Variants in MET observed in about 807,000 individuals in gnomAD.
MET encodes hepatocyte growth factor receptor.
A neutral mutation model predicts 133.1 loss-of-function variants in MET; 48 were observed. The observed-to-expected ratio is 0.36, with a 90% CI of 0.29 to 0.46. The LOEUF (loss-of-function observed/expected upper bound fraction) is 0.46, where lower values mean the gene tolerates loss of function less well. MET is among the 20% of genes least tolerant of loss of function. The pLI is 1.00. For missense variants in MET, 1,442 were observed against 1,695.9 expected (o/e 0.85, Z 2.63); for synonymous variants, 628 against 616.5 (o/e 1.02, Z -0.28).
chr7:116,675,459 T>G (rs1245142390), intron 1 of MET, among the ~76,000 whole-genome samples: 1 of 152,182 alleles, frequency 6.6e-6, no homozygotes, highest in Non-Finnish European at 1.5e-5. Flanking sequence ...CTTAAAAACC[T>G]TAACATTTTC....
intron 19 of MET, among the ~76,000 whole-genome samples, chr7:116,789,616 T>G (rs1260659719): frequency 1.3e-5 from 2 of 152,182 alleles, no homozygotes; most frequent in African/African-American, 4.8e-5. Context: ...TTTCTGTCTC[T>G]AGAGTTTTAC....
chr7:116,722,372 T>C (rs1792528651), intron 2 of MET, among the ~76,000 whole-genome samples: 1 of 150,668 alleles, frequency 6.6e-6, no homozygotes, highest in Admixed American at 6.6e-5. Flanking sequence ...AGCCTATGTG[T>C]GTCTCTGCAC....
At chr7:116,704,659 G>C (rs1268823581) in intron 2 of MET, among the ~76,000 whole-genome samples, 1 of 152,030 alleles carries the variant, frequency 6.6e-6, no homozygotes, top group African/African-American at 2.4e-5. Context: ...CCAAAAAAGA[G>C]ATGGGGTGAG....
At chr7:116,695,754 G>A (rs1265810319) in intron 1 of MET, 2 of 489,994 alleles carry the variant, frequency 4.1e-6, no homozygotes, top group East Asian at 5.2e-5. Context: ...TCACAGGGTG[G>A]TGATGAAGAG....
At chr7:116,732,689 T>C (rs1449637503) in intron 3 of MET, among the ~76,000 whole-genome samples, 1 of 152,190 alleles carries the variant, frequency 6.6e-6, no homozygotes, top group Non-Finnish European at 1.5e-5. Flanking sequence ...ATGTAGTTAG[T>C]ACCCTCATCA....
At chr7:116,714,095 A>C (rs1182167119) in intron 2 of MET, among the ~76,000 whole-genome samples, 1 of 152,084 alleles carries the variant, frequency 6.6e-6, no homozygotes, top group Non-Finnish European at 1.5e-5. Flanking sequence ...TTTATGAATC[A>C]CTCTGTCACT....
rs1795171767 is a variant in MET, at chr7:116,782,009, A to G, written c.3544A>G (p.Ile1182Val). The G allele has an allele frequency of 1.2e-6, 2 of 1,613,454 alleles. No individual in the cohort carries two copies. Among genetic ancestry groups the G allele is most frequent in the Non-Finnish European group, 1.7e-6 (2 of 1,179,494 alleles). ...GCAGAATCCAACTGTAAAAGATCTT[A>G]TTGGCTTTGGTCTTCAAGTAGCCAA... ...ETHNPTVKDL[I>V]GFGLQVAKGM... Residue 1182 changes from isoleucine (I) to valine (V), a missense_variant, in exon 18 of 21, where the codon ATT becomes GTT. Physicochemically the swap from Ile to Val is conservative, Grantham distance 29 (BLOSUM62 3). Coordinates refer to ENST00000397752, the MANE Select transcript of MET (RefSeq NM_000245.4).
At chr7:116,743,231 G>A (rs560496764) in intron 5 of MET, among the ~76,000 whole-genome samples, 2 of 152,330 alleles carry the variant, frequency 1.3e-5, no homozygotes, top group South Asian at 4.2e-4. Flanking sequence ...TATGGTTTTG[G>A]CAACTAACAG....
rs144156652 is a variant in MET at position 116,798,258 on chromosome 7, T to A, written c.*2134T>A. ...AATGTGTCTGGACAGATTGTGGGAG[T>A]AAGTGATTCTTCTAAGAATTAGATA... is the stretch of plus-strand genomic sequence containing the variant. On this transcript the variant is annotated 3_prime_UTR_variant, in exon 21 of 21. Coordinates refer to ENST00000397752, the MANE Select transcript of MET (RefSeq NM_000245.4). 21 of 207,312 alleles carry A rather than the reference T, an allele frequency of 1.0e-4. No individual in the cohort carries two copies. The East Asian group carries it at 1.5e-3, about 15-fold the overall frequency. The allele number at this position is 207,312 out of a possible 1,614,324, so 12.8% of individuals were successfully genotyped here.
Position 116,716,659 on chromosome 7 carries a change from T to C in MET, c.1201-15009T>C, listed in dbSNP as rs182337634. On this transcript the variant is annotated intron_variant, in intron 2 of 20. Coordinates refer to ENST00000397752, the MANE Select transcript of MET (RefSeq NM_000245.4). ...GAGGAAATCAGTTTGGAGAGAAAAGTGATGGCTTTGAACATCATCAATGGC... is the reference window on the plus strand; with the variant it reads ...GAGGAAATCAGTTTGGAGAGAAAAGCGATGGCTTTGAACATCATCAATGGC... Among the ~76,000 whole-genome samples the C allele has an allele frequency of 1.6e-3, 248 of 152,290 alleles. 2 individuals are homozygous for C. Among genetic ancestry groups the C allele is most frequent in the African/African-American group, 5.7e-3 (236 of 41,556 alleles).
intron 1 of MET, among the ~76,000 whole-genome samples, chr7:116,698,790 A>G (rs1385232647): frequency 6.6e-6 from 1 of 152,220 alleles, no homozygotes; most frequent in Non-Finnish European, 1.5e-5. Context: ...GAATGAGTCT[A>G]ACTTAGTTAC....
chr7:116,741,083 TGGTTTGGTTTGGTTTGTTTTTTG>T, intron 5 of MET, 58 bp downstream of exon 5: 7 of 1,476,034 alleles, frequency 4.7e-6, no homozygotes, highest in Admixed American at 3.8e-5. Context: ...TTTTTTTTTT[TGGTTTGGTTTGGTTTGTTTTTTG>T]TTTTTTTAGA....
chr7:116,745,325 A>C (rs1793625488), intron 5 of MET, among the ~76,000 whole-genome samples: 1 of 152,220 alleles, frequency 6.6e-6, no homozygotes, highest in South Asian at 2.1e-4. Flanking sequence ...GGATAGGAAG[A>C]ATCAATATCA....
intron 2 of MET, among the ~76,000 whole-genome samples, chr7:116,704,868 A>G (rs918916843): frequency 6.6e-6 from 1 of 152,106 alleles, no homozygotes; most frequent in Non-Finnish European, 1.5e-5. Flanking sequence ...GTTTTAGAAA[A>G]AGTCAACCTC....
chr7:116,707,798 A>G (rs749374553), intron 2 of MET, among the ~76,000 whole-genome samples: 1 of 152,172 alleles, frequency 6.6e-6, no homozygotes, highest in Non-Finnish European at 1.5e-5. Flanking sequence ...AGCGAAAACT[A>G]ATATCTCTAA....
intron 2 of MET, among the ~76,000 whole-genome samples, chr7:116,716,527 A>G (rs1562893586): frequency 6.6e-6 from 1 of 150,758 alleles, no homozygotes; most frequent in Non-Finnish European, 1.5e-5. Flanking sequence ...GAAAGAAAGA[A>G]AGAAAGAAAG....
At chr7:116,760,081 G>A (rs549093290) in intron 10 of MET, among the ~76,000 whole-genome samples, 5 of 152,212 alleles carry the variant, frequency 3.3e-5, no homozygotes, top group East Asian at 1.9e-4. Context: ...CTGGCCTGAG[G>A]CAGTGTTTTT....
intron 17 of MET, 139 bp downstream of exon 17, chr7:116,779,096 T>G (rs1364087347): frequency 7.1e-6 from 6 of 849,248 alleles, no homozygotes; most frequent in Non-Finnish European, 1.1e-5. Flanking sequence ...CAAATGCACC[T>G]CAAAGTCTTC....
chr7:116,716,775 C>T (rs1389884382), intron 2 of MET, among the ~76,000 whole-genome samples: 1 of 152,266 alleles, frequency 6.6e-6, no homozygotes, highest in South Asian at 2.1e-4. Flanking sequence ...GTCATCACCA[C>T]GAGGCTGTGA....
Sources: allele counts gnomAD v4.1 joint callset (sites outside exome capture counted in the v4.1 genomes callset), GRCh38; gene constraint gnomAD v4.1.1; transcripts MANE v1.5; gene names NCBI Gene and HGNC (gene_info 2026-07-23, HGNC 2026-07-21).